The following KLHL25 variants were observed in gnomAD, a reference collection of about 807,000 sequenced individuals.
KLHL25 encodes the protein kelch-like protein 25.
In KLHL25, 41 loss-of-function variants were observed where a neutral mutation model predicts 30.0. That is an observed-to-expected ratio of 1.37 (90% CI 1.07 to 1.78). KLHL25 has a LOEUF of 1.78. Among genes scored for constraint, KLHL25 ranks in the 40% most tolerant of loss-of-function variants. The pLI, the probability that KLHL25 is intolerant of heterozygous loss-of-function variation, is 0.00. For synonymous variants in KLHL25, 399 were observed against 355.3 expected (o/e 1.12, Z -1.38); for missense variants, 971 against 824.5 (o/e 1.18, Z -2.18).
At chr15:85,775,400 C>A (rs539177548) in intron 1 of KLHL25, among the ~76,000 whole-genome samples, 57 of 152,268 alleles carry the variant, frequency 3.7e-4, no homozygotes, top group African/African-American at 1.3e-3. Context: ...CAGTGATTCA[C>A]GGCCACCCTG....
chr15:85,767,964 T>C, intron 2 of KLHL25, 53 bp downstream of exon 2: 1 of 1,213,328 alleles, frequency 8.2e-7, no homozygotes, highest in Non-Finnish European at 1.2e-6. Flanking sequence ...TGGGACTGCA[T>C]TCCCCCATGA....
intron 1 of KLHL25, among the ~76,000 whole-genome samples, chr15:85,780,495 A>G (rs923497669): frequency 6.6e-6 from 1 of 152,244 alleles, no homozygotes; most frequent in Non-Finnish European, 1.5e-5. Flanking sequence ...CTGGTCCCAC[A>G]GATGGAGCCA....
intron 1 of KLHL25, among the ~76,000 whole-genome samples, chr15:85,775,353 A>G (rs1009912200): frequency 5.9e-5 from 9 of 152,178 alleles, no homozygotes; most frequent in African/African-American, 2.2e-4. Context: ...TTCAGGCTGC[A>G]TGAGGTTGGG....
At chr15:85,771,650 G>C (rs2089675499) in intron 1 of KLHL25, among the ~76,000 whole-genome samples, 1 of 152,222 alleles carries the variant, frequency 6.6e-6, no homozygotes, top group Admixed American at 6.5e-5. Context: ...GTACACCGAG[G>C]ACCTGCCTAA....
chr15:85,794,255 C>T (rs1055954843), intron 1 of KLHL25, among the ~76,000 whole-genome samples: 1 of 152,214 alleles, frequency 6.6e-6, no homozygotes, highest in African/African-American at 2.4e-5. Context: ...GGAACGTGAA[C>T]GGCTCGGGGC....
intron 1 of KLHL25, among the ~76,000 whole-genome samples, chr15:85,790,579 G>A (rs1312045172): frequency 6.6e-6 from 1 of 152,172 alleles, no homozygotes; most frequent in African/African-American, 2.4e-5. Flanking sequence ...GCTCACAGGG[G>A]TAAGGGAACC....
intron 1 of KLHL25, among the ~76,000 whole-genome samples, chr15:85,776,908 C>T (rs1218660853): frequency 1.3e-5 from 2 of 150,854 alleles, no homozygotes; most frequent in Non-Finnish European, 3.0e-5. Context: ...CTGGGGGACA[C>T]AGCAAGACTC....
intron 2 of KLHL25, chr15:85,763,894 G>C (rs1455381115): frequency 6.6e-6 from 1 of 152,338 alleles, no homozygotes; most frequent in Non-Finnish European, 1.5e-5. Context: ...CGACATTCTA[G>C]GTGGCAGACG....
Position 85,768,977 on chromosome 15 carries a change from C to T in KLHL25, c.834G>A (p.Gln278=), listed in dbSNP as rs149691689. 2.9e-5 allele frequency: 47 copies of T among 1,612,946 alleles called. 1 individual carries two copies. In the African/African-American group the frequency reaches 5.5e-4, roughly 19 times the overall value. Residue 278 remains glutamine (Q), a synonymous_variant, in exon 2 of 3, where the codon CAG becomes CAA. Coordinates refer to ENST00000337975, the MANE Select transcript of KLHL25 (RefSeq NM_022480.4). ...AGGGGCTGGTGACCACGCCATCATT[C>T]TGCAGGATCCTGGTCTTGCAGCGCA... ...EALRCKTRIL[Q]NDGVVTSPCA...
At chr15:85,780,923 C>T (rs937028857) in intron 1 of KLHL25, among the ~76,000 whole-genome samples, 1 of 152,150 alleles carries the variant, frequency 6.6e-6, no homozygotes, top group Non-Finnish European at 1.5e-5. Context: ...GGTTACACAC[C>T]GCAGCATGGT....
rs1229439076 is a variant in KLHL25, at chr15:85,771,860, G to T, written c.-10-2040C>A. ...TCAGGCCTCCACAACTCACTTGTTG[G>T]CAACTATTTCCTGAGCACATCCTCG... On this transcript the variant is annotated intron_variant, in intron 1 of 2. Transcript: ENST00000337975. Among the ~76,000 whole-genome samples the T allele has an allele frequency of 3.3e-5, 5 of 152,296 alleles. No individual in the cohort carries two copies. In the East Asian group the frequency reaches 7.7e-4, roughly 23 times the overall value.
chr15:85,765,915 A>T (rs1210002368), intron 2 of KLHL25, among the ~76,000 whole-genome samples: 1 of 152,104 alleles, frequency 6.6e-6, no homozygotes, highest in Non-Finnish European at 1.5e-5. Context: ...TGTGAGCCCA[A>T]ACACCCTGTG....
intron 1 of KLHL25, among the ~76,000 whole-genome samples, chr15:85,786,735 A>T (rs2089783779): frequency 6.6e-6 from 1 of 152,242 alleles, no homozygotes; most frequent in African/African-American, 2.4e-5. Flanking sequence ...ACAAGGGCAA[A>T]GTCACCCCAG....
intron 1 of KLHL25, among the ~76,000 whole-genome samples, chr15:85,786,165 C>T (rs894823835): frequency 1.3e-5 from 2 of 152,192 alleles, no homozygotes; most frequent in African/African-American, 4.8e-5. Context: ...CTACCAAAGC[C>T]CTTTGAGGGT....
rs769490745 is a variant in KLHL25 at position 85,768,138 on chromosome 15, T to C, written c.1673A>G (p.Tyr558Cys). 14 of 1,614,068 alleles carry C rather than the reference T, an allele frequency of 8.7e-6. No homozygotes were observed. Among genetic ancestry groups the C allele is most frequent in the Middle Eastern group, 1.6e-4 (1 of 6,084 alleles). ...GTTCCATGTATCTGAAGTGGGGTCA[T>C]AGCAGTCCAGAGTCTTACACCTCTG... ...GTQRCKTLDC[Y>C]DPTSDTWNCI... The change falls in exon 2 of 3, where the codon TAT becomes TGT. Residue 558 changes from tyrosine to cysteine, a missense_variant. Transcript: ENST00000337975.
At chr15:85,785,971 C>CT (rs1555470907) in intron 1 of KLHL25, among the ~76,000 whole-genome samples, 5 of 144,594 alleles carry the variant, frequency 3.5e-5, no homozygotes, top group African/African-American at 5.0e-5. Context: ...CCCACCCCCC[C>CT]GCCCCAGGAG....
rs749741776 is a variant in KLHL25, at chr15:85,769,529, G to A, written c.282C>T (p.His94=). The A allele has an allele frequency of 6.8e-6, 11 of 1,613,928 alleles. No homozygotes were observed. Among genetic ancestry groups the A allele is most frequent in the South Asian group, 2.2e-5 (2 of 91,088 alleles). The change falls in exon 2 of 3, where the codon CAC becomes CAT. Residue 94 remains histidine, a synonymous_variant. Coordinates refer to ENST00000337975, the MANE Select transcript of KLHL25 (RefSeq NM_022480.4). ...DDTVNFQDNL[H]PEVLELLLDF... ...CCAGCAGCAGCTCCAGCACCTCCGG[G>A]TGCAGGTTGTCCTGGAAGTTGACAG...
chr15:85,788,273 C>A (rs918568764), intron 1 of KLHL25, among the ~76,000 whole-genome samples: 4 of 152,158 alleles, frequency 2.6e-5, no homozygotes, highest in African/African-American at 9.7e-5. Flanking sequence ...ACCTGGCAGG[C>A]CTTTCTCTGA....
Position 85,789,982 on chromosome 15 carries a change from C to A in KLHL25, c.-11+4784G>T, listed in dbSNP as rs375229075. 6.6e-6 allele frequency among the ~76,000 whole-genome samples: 1 copy of A among 152,284 alleles called. No individual in the cohort carries two copies. Among genetic ancestry groups the A allele is most frequent in the East Asian group, 1.9e-4 (1 of 5,180 alleles). Reference sequence around the variant, plus strand: ...GAAACTAGGAGCTTGCCTACGTCACCCCTCTCACTCTACAGGTGAAAAAAC... The same window carrying A: ...GAAACTAGGAGCTTGCCTACGTCACACCTCTCACTCTACAGGTGAAAAAAC... On this transcript the variant is annotated intron_variant, in intron 1 of 2. Coordinates refer to ENST00000337975, the MANE Select transcript of KLHL25 (RefSeq NM_022480.4). The surrounding 1 kb of genome is among the most constrained non-coding windows in gnomAD (Gnocchi z 4.1).
Sources: gnomAD v4.1 joint callset for allele counts (sites outside exome capture counted in the v4.1 genomes callset) on GRCh38, gnomAD v4.1.1 for gene constraint, Gnocchi (gnomAD v3.1) non-coding constraint, MANE v1.5 for transcripts, NCBI Gene and HGNC (gene_info 2026-07-23, HGNC 2026-07-21) for gene names.